The following ALG9 variants were observed in gnomAD, a reference collection of about 807,000 sequenced individuals.
ALG9 encodes the protein ALG9 alpha-1,2-mannosyltransferase, also known as alpha-1,2-mannosyltransferase ALG9.
ALG9 carries 55 observed loss-of-function variants against 81.8 expected under a neutral mutation model. That is an observed-to-expected ratio of 0.67 (90% CI 0.54 to 0.84). The LOEUF is 0.84. ALG9 is among the 40% of genes least tolerant of loss of function. The pLI, the probability that ALG9 is intolerant of heterozygous loss-of-function variation, is 0.00. For synonymous variants in ALG9, 278 were observed against 274.3 expected, an observed-to-expected ratio of 1.01 and a Z score of -0.13; for missense variants, 629 against 745.0, an observed-to-expected ratio of 0.84 and a Z score of 1.81.
At chr11:111,869,289 C>A (rs951390541) in intron 2 of ALG9, among the ~76,000 whole-genome samples, 1 of 152,174 alleles carries the variant, frequency 6.6e-6, no homozygotes, top group Non-Finnish European at 1.5e-5. Context: ...CTTAAACAAC[C>A]TACACTTAAC....
At chr11:111,781,338 G>A (rs1018738084), downstream of ALG9, among the ~76,000 whole-genome samples, 4 of 152,196 alleles carry the variant, frequency 2.6e-5, no homozygotes, top group Admixed American at 2.0e-4. Context: ...GTGCAGTGGT[G>A]CATGCCTGTA....
chr11:111,845,947 G>A (rs1555129251), intron 8 of ALG9, among the ~76,000 whole-genome samples: 1 of 152,164 alleles, frequency 6.6e-6, no homozygotes, highest in East Asian at 1.9e-4. Context: ...ACCTTTGGGG[G>A]AAGCTCACTC....
chr11:111,806,886 T>G (rs1323742032), intron 14 of ALG9, among the ~76,000 whole-genome samples: 1 of 152,160 alleles, frequency 6.6e-6, no homozygotes, highest in Admixed American at 6.6e-5. Flanking sequence ...CTCTCCCATC[T>G]CAGTTAATAG....
At chr11:111,800,652 T>C (rs1293321826) in intron 14 of ALG9, among the ~76,000 whole-genome samples, 1 of 152,154 alleles carries the variant, frequency 6.6e-6, no homozygotes, top group Non-Finnish European at 1.5e-5. Flanking sequence ...CAACACCCTG[T>C]ACTTTCCTCT....
At chr11:111,786,588 A>T in intron 14 of ALG9, 68 bp from the exon 15 acceptor site, 1 of 1,516,916 alleles carries the variant, frequency 6.6e-7, no homozygotes, top group Non-Finnish European at 9.1e-7. Context: ...ACTAAATGTG[A>T]TTAAAATAAA....
At chr11:111,810,737 A>C (rs1318409619) in intron 13 of ALG9, among the ~76,000 whole-genome samples, 1 of 152,118 alleles carries the variant, frequency 6.6e-6, no homozygotes, top group African/African-American at 2.4e-5. Flanking sequence ...GCCTGGGCAA[A>C]AGAGAGACCT....
chr11:111,787,797 T>A (rs751183576), intron 14 of ALG9, among the ~76,000 whole-genome samples: 1 of 152,152 alleles, frequency 6.6e-6, no homozygotes, highest in Admixed American at 6.5e-5. Flanking sequence ...AATAAATATA[T>A]GATTTAATCC....
intron 11 of ALG9, among the ~76,000 whole-genome samples, 197 bp downstream of exon 11, chr11:111,838,051 TA>T (rs1955615443): frequency 1.3e-5 from 2 of 152,154 alleles, no homozygotes; most frequent in Admixed American, 1.3e-4. Flanking sequence ...TTAATCACAC[TA>T]AAAGGAATTC....
At chr11:111,824,775 T>C (rs1473590758) in intron 13 of ALG9, among the ~76,000 whole-genome samples, 1 of 152,190 alleles carries the variant, frequency 6.6e-6, no homozygotes, top group Non-Finnish European at 1.5e-5. Context: ...TTCAGAAGAA[T>C]ATAAATTCAA....
intron 14 of ALG9, among the ~76,000 whole-genome samples, chr11:111,792,383 C>A (rs577366769): frequency 6.6e-6 from 1 of 152,092 alleles, no homozygotes; most frequent in Non-Finnish European, 1.5e-5. Context: ...CTGAAGACAG[C>A]GAGAGAGGGA....
intron 13 of ALG9, among the ~76,000 whole-genome samples, chr11:111,811,941 T>C (rs1442832424): frequency 1.3e-5 from 2 of 152,186 alleles, no homozygotes; most frequent in African/African-American, 4.8e-5. Flanking sequence ...ACATTATAAA[T>C]GTACTAAAAG....
the ALG9 span, chr11:111,770,958 G>A: frequency 6.6e-6 from 1 of 152,240 alleles, no homozygotes; most frequent in Non-Finnish European, 1.5e-5. Context: ...CAGTACAAAA[G>A]CACTGAGTTC....
chr11:111,775,201 G>A, the ALG9 span, among the ~76,000 whole-genome samples: 3 of 152,146 alleles, frequency 2.0e-5, no homozygotes, highest in African/African-American at 7.2e-5. Context: ...CAACAGCAGG[G>A]CCAACTTAAA....
chr11:111,861,249 G>C (rs561487123), intron 4 of ALG9, among the ~76,000 whole-genome samples: 1 of 152,158 alleles, frequency 6.6e-6, no homozygotes, highest in African/African-American at 2.4e-5. Context: ...CAAATTAAAT[G>C]TATTTAGGCA....
chr11:111,795,176 T>C (rs1948066134), intron 14 of ALG9, among the ~76,000 whole-genome samples: 1 of 152,184 alleles, frequency 6.6e-6, no homozygotes. Flanking sequence ...AAGTCCTCAA[T>C]AAATAGTCTG....
chr11:111,779,877 T>C (rs953224451), downstream of ALG9, among the ~76,000 whole-genome samples: 1 of 152,236 alleles, frequency 6.6e-6, no homozygotes, highest in African/African-American at 2.4e-5. Context: ...TCCCAGTCTT[T>C]CCTTGTCACT....
chr11:111,852,773 T>C (rs1170315878), intron 8 of ALG9, among the ~76,000 whole-genome samples: 1 of 151,812 alleles, frequency 6.6e-6, no homozygotes, highest in African/African-American at 2.4e-5. Context: ...CCGTCTCTAC[T>C]AAAAATACAA....
chr11:111,817,045 G>A (rs144563251), intron 13 of ALG9, among the ~76,000 whole-genome samples: 59 of 152,294 alleles, frequency 3.9e-4, no homozygotes, highest in African/African-American at 1.4e-3. Flanking sequence ...AGACATAAAG[G>A]AGCATGGTTG....
chr11:111,853,626 A>T, intron 7 of ALG9, 23 bp downstream of exon 7: 1 of 1,610,474 alleles, frequency 6.2e-7, no homozygotes, highest in Non-Finnish European at 8.5e-7. Flanking sequence ...TTTAGGACAA[A>T]GCAAGTAAAA....
Sources: allele counts gnomAD v4.1 joint callset (sites outside exome capture counted in the v4.1 genomes callset), GRCh38; gene constraint gnomAD v4.1.1; transcripts MANE v1.5; gene names NCBI Gene and HGNC (gene_info 2026-07-23, HGNC 2026-07-21).